Variants in MEF2C observed in about 807,000 individuals in gnomAD.
MEF2C encodes the protein myocyte enhancer factor 2C.
In MEF2C, 6 loss-of-function variants were observed where a neutral mutation model predicts 50.5. The observed-to-expected ratio is 0.12, with a 90% CI of 0.07 to 0.23. MEF2C has a LOEUF of 0.23. Among genes scored for constraint, MEF2C ranks in the 10% least tolerant of loss-of-function variants. The pLI, the probability that MEF2C is intolerant of heterozygous loss-of-function variation, is 1.00. For missense variants in MEF2C, 276 were observed against 605.0 expected (o/e 0.46, Z 5.70); for synonymous variants, 183 against 228.0 (o/e 0.80, Z 1.78).
intron 3 of MEF2C, among the ~76,000 whole-genome samples, chr5:88,770,569 C>T (rs1349270495): frequency 6.6e-6 from 1 of 152,174 alleles, no homozygotes; most frequent in Non-Finnish European, 1.5e-5. Context: ...CATTTATTTT[C>T]TGGATTCCAG....
intron 6 of MEF2C, chr5:88,734,583 T>G (rs915161368): frequency 3.9e-4 from 377 of 956,498 alleles, no homozygotes; most frequent in South Asian, 5.3e-4. Flanking sequence ...TTTTTTTTTT[T>G]TTTTTTTTTT....
At chr5:88,770,085 TAAAC>T (rs1167349963) in intron 3 of MEF2C, 3 of 810,484 alleles carry the variant, frequency 3.7e-6, no homozygotes, top group South Asian at 5.7e-5. Flanking sequence ...AACTATAAAT[TAAAC>T]AAAGGTTGAG....
chr5:88,777,864 C>T (rs968819076), intron 3 of MEF2C, among the ~76,000 whole-genome samples: 6 of 150,786 alleles, frequency 4.0e-5, no homozygotes, highest in African/African-American at 1.5e-4. Flanking sequence ...TTGTTGAAGC[C>T]CCAAGGAAAA....
intron 2 of MEF2C, among the ~76,000 whole-genome samples, chr5:88,811,496 T>C (rs1802784387): frequency 6.6e-6 from 1 of 152,106 alleles, no homozygotes; most frequent in African/African-American, 2.4e-5. Flanking sequence ...AAAATATTTA[T>C]TCTAATTTTT....
chr5:88,767,494 C>T (rs1163847466), intron 3 of MEF2C, among the ~76,000 whole-genome samples: 2 of 151,876 alleles, frequency 1.3e-5, no homozygotes, highest in Non-Finnish European at 2.9e-5. Flanking sequence ...ATACAGAGTA[C>T]AAAAAGTTAG....
chr5:88,736,783 A>T, intron 6 of MEF2C: 3 of 985,410 alleles, frequency 3.0e-6, no homozygotes, highest in Non-Finnish European at 3.6e-6. Context: ...TCTACAGTTG[A>T]CACACTCTAT....
chr5:88,733,294 T>A, intron 6 of MEF2C: 1 of 985,202 alleles, frequency 1.0e-6, no homozygotes, highest in Non-Finnish European at 1.2e-6. Context: ...GAGGAACCTG[T>A]TTAGAAGGGG....
chr5:88,894,911 G>A (rs776270076), intron 1 of MEF2C, among the ~76,000 whole-genome samples: 6 of 152,130 alleles, frequency 3.9e-5, no homozygotes, highest in Admixed American at 6.6e-5. Flanking sequence ...CAGAATCCAC[G>A]TTTAGACACT....
At chr5:88,888,526 A>G (rs113719741) in intron 1 of MEF2C, among the ~76,000 whole-genome samples, 3 of 152,330 alleles carry the variant, frequency 2.0e-5, no homozygotes, top group African/African-American at 7.2e-5. Context: ...TTAGGTTTTT[A>G]GGCTTAGGCC....
Position 88,722,807 on chromosome 5 carries a change from T to C in MEF2C, c.1219A>G (p.Arg407Gly), listed in dbSNP as rs1756807196. ...TCGTGGCGCGTGTGTTGTGGGTATC[T>C]CGAAGGGGTGGTGGTACGGTCTCTA... ...PPRDRTTTPS[R>G]YPQHTRHEAG... The change falls in exon 11 of 11, where the codon AGA becomes GGA. Residue 407 changes from arginine to glycine, a missense_variant. Physicochemically the swap from Arg to Gly is moderately radical, Grantham distance 125. Coordinates refer to ENST00000504921, the MANE Select transcript of MEF2C (RefSeq NM_002397.5). The C allele has an allele frequency of 6.2e-7, 1 of 1,613,864 alleles. No homozygotes were observed. The highest frequency in any genetic ancestry group is 1.7e-5 in the Admixed American group (1 of 59,998).
intron 1 of MEF2C, among the ~76,000 whole-genome samples, chr5:88,864,137 CTGTTTTTTTTTT>C (rs1213697015): frequency 6.2e-5 from 5 of 80,600 alleles, no homozygotes; most frequent in South Asian, 9.2e-4. Context: ...GCCATGTTTT[CTGTTTTTTTTTT>C]TGTTTTTTTT....
At chr5:88,799,075 G>T (rs188804781) in intron 3 of MEF2C, among the ~76,000 whole-genome samples, 4 of 152,338 alleles carry the variant, frequency 2.6e-5, no homozygotes, top group African/African-American at 9.6e-5. Flanking sequence ...TGAGGTGTCT[G>T]TCGACCCCTG....
chr5:88,833,779 A>AT (rs934083193), intron 1 of MEF2C, among the ~76,000 whole-genome samples: 3 of 152,144 alleles, frequency 2.0e-5, no homozygotes, highest in East Asian at 1.9e-4. Context: ...GGCTACTACG[A>AT]TTTTTTTTAA....
intron 3 of MEF2C, chr5:88,771,731 G>T: frequency 2.8e-6 from 1 of 363,520 alleles, no homozygotes; most frequent in Non-Finnish European, 3.8e-6. Flanking sequence ...GAGTTGGGTG[G>T]TCTTGTAGAG....
At chr5:88,750,337 G>A (rs150669886) in intron 5 of MEF2C, 1,550 of 150,958 alleles carry the variant, frequency 0.01, 11 homozygotes, top group Non-Finnish European at 0.017. Context: ...TCGAGTAGCC[G>A]GGACCACATA....
chr5:88,821,015 C>G (rs1470354350), intron 2 of MEF2C, among the ~76,000 whole-genome samples: 1 of 151,862 alleles, frequency 6.6e-6, no homozygotes, highest in East Asian at 1.9e-4. Flanking sequence ...TACAGGCCTA[C>G]TGTATCTAAA....
At chr5:88,760,863 G>T in intron 4 of MEF2C, 4 of 1,039,518 alleles carry the variant, frequency 3.8e-6, no homozygotes, top group East Asian at 2.5e-5. Context: ...AGCTGCCCGT[G>T]GGATGAGATG....
chr5:88,878,307 C>A (rs966114070), intron 1 of MEF2C, among the ~76,000 whole-genome samples: 1 of 151,990 alleles, frequency 6.6e-6, no homozygotes, highest in Admixed American at 6.6e-5. Context: ...ATGAATGTTA[C>A]AAGTTTTTGA....
At chr5:88,894,469 A>G (rs968334974) in intron 1 of MEF2C, among the ~76,000 whole-genome samples, 4 of 152,210 alleles carry the variant, frequency 2.6e-5, no homozygotes, top group African/African-American at 7.2e-5. Context: ...CATTTATTTC[A>G]GTAATGTTGT....
Sources: allele counts gnomAD v4.1 joint callset (sites outside exome capture counted in the v4.1 genomes callset), GRCh38; gene constraint gnomAD v4.1.1; transcripts MANE v1.5; gene names NCBI Gene and HGNC (gene_info 2026-07-23, HGNC 2026-07-21).